SLC9A2: variants seen among roughly 807,000 people sequenced by gnomAD.
SLC9A2 encodes the protein sodium/hydrogen exchanger 2.
In SLC9A2, 42 loss-of-function variants were observed where a neutral mutation model predicts 71.7. The observed-to-expected ratio is 0.59, with a 90% CI of 0.46 to 0.76. The LOEUF is 0.76. Among genes scored for constraint, SLC9A2 ranks in the 30% least tolerant of loss-of-function variants. The probability of loss-of-function intolerance (pLI) is 0.00; values close to 1 mark genes in which losing one functional copy is unlikely to be tolerated. For synonymous variants in SLC9A2, 396 were observed against 392.5 expected (o/e 1.01, Z -0.10); for missense variants, 829 against 1,017.4 (o/e 0.81, Z 2.52).
chr2:102,684,809 A>G (rs7608617), intron 5 of SLC9A2, among the ~76,000 whole-genome samples: 52,488 of 152,094 alleles, frequency 0.35, 9,398 homozygotes, highest in East Asian at 0.52. Context: ...AAGTTAATCA[A>G]TATCTTTAAG....
At chr2:102,680,111 T>C (rs964407061) in intron 3 of SLC9A2, among the ~76,000 whole-genome samples, 2 of 144,448 alleles carry the variant, frequency 1.4e-5, no homozygotes, top group Non-Finnish European at 3.2e-5. Flanking sequence ...TTAAAAAATA[T>C]ATGTCCATTA....
intron 5 of SLC9A2, among the ~76,000 whole-genome samples, chr2:102,690,433 C>G (rs1342139688): frequency 6.6e-6 from 1 of 152,098 alleles, no homozygotes; most frequent in Non-Finnish European, 1.5e-5. Flanking sequence ...GGGCAACTCT[C>G]TTAGGTTTCT....
intron 1 of SLC9A2, among the ~76,000 whole-genome samples, chr2:102,620,509 T>C (rs1676113594): frequency 6.6e-6 from 1 of 152,188 alleles, no homozygotes; most frequent in Admixed American, 6.5e-5. Context: ...CCCGGAGCTA[T>C]GCATAATGTG....
intron 3 of SLC9A2, among the ~76,000 whole-genome samples, chr2:102,672,368 T>C (rs1020983918): frequency 1.3e-5 from 2 of 152,288 alleles, no homozygotes; most frequent in South Asian, 4.1e-4. Flanking sequence ...ACTGTTGTTC[T>C]GTAGTGCTCA....
chr2:102,661,814 C>A (rs79737239), intron 2 of SLC9A2, among the ~76,000 whole-genome samples: 4 of 152,218 alleles, frequency 2.6e-5, no homozygotes, highest in African/African-American at 4.8e-5. Context: ...AACTTTGCAC[C>A]GACTCACTAG....
chr2:102,640,014 T>C (rs910289687), intron 1 of SLC9A2, among the ~76,000 whole-genome samples: 3 of 152,152 alleles, frequency 2.0e-5, no homozygotes, highest in Non-Finnish European at 2.9e-5. Flanking sequence ...GGTACTAGGA[T>C]TGCGAGGCGT....
intron 1 of SLC9A2, among the ~76,000 whole-genome samples, chr2:102,632,121 C>CATATACACAT (rs796379133): frequency 8.4e-5 from 8 of 95,098 alleles, no homozygotes; most frequent in South Asian, 3.3e-4. Flanking sequence ...TGTATATATA[C>CATATACACAT]ATATATACAT....
intron 1 of SLC9A2, among the ~76,000 whole-genome samples, chr2:102,625,858 A>G (rs1414269681): frequency 6.6e-6 from 1 of 152,190 alleles, no homozygotes; most frequent in African/African-American, 2.4e-5. Flanking sequence ...GCTGGGTCAA[A>G]TGATATTTCT....
Position 102,695,110 on chromosome 2 carries a change from A to G in SLC9A2, c.1583A>G (p.Asp528Gly). 6.2e-7 allele frequency: 1 copy of G among 1,612,530 alleles called. No individual in the cohort carries two copies. Among genetic ancestry groups the G allele is most frequent in the Non-Finnish European group, 8.5e-7 (1 of 1,178,600 alleles). Residue 528 changes from aspartate to glycine, a missense_variant, in exon 7 of 12, where the codon GAC becomes GGC. Around this residue, in one of 3 missense-constraint regions of SLC9A2, gnomAD observed 500 missense variants for 726.3 expected, o/e 0.69. Coordinates refer to ENST00000233969, the MANE Select transcript of SLC9A2 (RefSeq NM_003048.6). Reference sequence around the variant, plus strand: ...CATTGGGGTCACAACTTTTGGAGAGACAAGTAAGAAGGTCTTATGCCATTG... The same window carrying G: ...CATTGGGGTCACAACTTTTGGAGAGGCAAGTAAGAAGGTCTTATGCCATTG... Reference protein sequence around the residue: ...CGHWGHNFWRDKFKKFDDKYL... With the variant: ...CGHWGHNFWRGKFKKFDDKYL...
In SLC9A2 at chr2:102,650,322, G is replaced by A. The variant is rs192463663; in HGVS notation, c.290-7242G>A. ...TGAACATTATACACTGGGGCCTGTT[G>A]GTGGGGTGGGGGGCAAGAGGAGGGA... On this transcript the variant is annotated intron_variant, in intron 1 of 11. Coordinates refer to ENST00000233969, the MANE Select transcript of SLC9A2 (RefSeq NM_003048.6). Among the ~76,000 whole-genome samples the A allele has an allele frequency of 5.3e-3, 808 of 152,122 alleles. 9 individuals are homozygous for A. Among genetic ancestry groups the A allele is most frequent in the African/African-American group, 0.018 (760 of 41,466 alleles).
At chr2:102,680,146 C>T (rs928578548) in intron 3 of SLC9A2, among the ~76,000 whole-genome samples, 6 of 141,112 alleles carry the variant, frequency 4.3e-5, no homozygotes, top group African/African-American at 1.5e-4. Context: ...TACAAATTTT[C>T]TACTTGGCAA....
intron 3 of SLC9A2, among the ~76,000 whole-genome samples, chr2:102,676,086 C>A (rs563647592): frequency 7.2e-5 from 11 of 152,320 alleles, no homozygotes; most frequent in African/African-American, 2.4e-4. Context: ...CAGAAAGCAG[C>A]AACTCATGCT....
chr2:102,689,091 G>C (rs1244740434), intron 5 of SLC9A2, among the ~76,000 whole-genome samples: 1 of 152,162 alleles, frequency 6.6e-6, no homozygotes, highest in Non-Finnish European at 1.5e-5. Flanking sequence ...GAAGACTCCT[G>C]AGTCAGAGAC....
chr2:102,641,899 G>A (rs1031711153), intron 1 of SLC9A2, among the ~76,000 whole-genome samples: 3 of 151,432 alleles, frequency 2.0e-5, no homozygotes, highest in Admixed American at 6.6e-5. Flanking sequence ...GGCCTGTCGG[G>A]GGGTGGGGGG....
intron 3 of SLC9A2, among the ~76,000 whole-genome samples, chr2:102,675,148 C>T (rs1360251181): frequency 6.6e-6 from 1 of 152,186 alleles, no homozygotes; most frequent in Non-Finnish European, 1.5e-5. Context: ...TCTGTGTTGA[C>T]TGCAAGTTAG....
intron 1 of SLC9A2, among the ~76,000 whole-genome samples, chr2:102,650,990 C>T (rs1306392149): frequency 6.6e-6 from 1 of 152,186 alleles, no homozygotes; most frequent in Non-Finnish European, 1.5e-5. Context: ...CTTCCTATTG[C>T]TTTCCATCTC....
chr2:102,657,326 G>A (rs1313990035), intron 1 of SLC9A2, among the ~76,000 whole-genome samples: 1 of 152,100 alleles, frequency 6.6e-6, no homozygotes, highest in African/African-American at 2.4e-5. Flanking sequence ...TAGATAATGT[G>A]TACCTATAGC....
chr2:102,695,770 A>AC (rs1327321131), intron 7 of SLC9A2, among the ~76,000 whole-genome samples: 1 of 99,668 alleles, frequency 1.0e-5, no homozygotes, highest in African/African-American at 3.6e-5. Flanking sequence ...ATATATATAT[A>AC]ATATATATTA....
intron 5 of SLC9A2, among the ~76,000 whole-genome samples, chr2:102,688,403 C>T (rs77919130): frequency 0.015 from 2,294 of 152,230 alleles, 55 homozygotes; most frequent in African/African-American, 0.051. Context: ...TTTTGCCTCA[C>T]GAGTTGCCAT....
Sources: gnomAD v4.1 joint callset for allele counts (sites outside exome capture counted in the v4.1 genomes callset) on GRCh38, gnomAD v4.1.1 for gene constraint, gnomAD v4.1.1 regional missense constraint, MANE v1.5 for transcripts, NCBI Gene and HGNC (gene_info 2026-07-23, HGNC 2026-07-21) for gene names.